The following EPB41L2 variants were observed in gnomAD, a reference collection of about 807,000 sequenced individuals.
The protein encoded by EPB41L2 is erythrocyte membrane protein band 4.1 like 2, also known as band 4.1-like protein 2.
Under a neutral mutation model 113.0 loss-of-function variants are expected in EPB41L2, and 43 were observed. The observed-to-expected ratio is 0.38, with a 90% CI of 0.30 to 0.49. The LOEUF is 0.49. Among genes scored for constraint, EPB41L2 ranks in the 20% least tolerant of loss-of-function variants. The pLI is 0.95. For missense variants in EPB41L2, 1,147 were observed against 1,223.4 expected (o/e 0.94, Z 0.93); for synonymous variants, 442 against 436.7 (o/e 1.01, Z -0.15).
chr6:130,955,128 T>G lies in EPB41L2; in HGVS notation c.682A>C (p.Thr228Pro), dbSNP rs1206719811. ...VQCKVTLLDGTEYSCDLEKHA... is the reference protein window; with the variant it reads ...VQCKVTLLDGPEYSCDLEKHA... The stretch of plus-strand genomic sequence containing the variant: ...ACCTCCAGGTCACAGCTGTATTCGG[T>G]GCCATCTAAGAGGGTCACTTTACAC... The change falls in exon 3 of 20, where the codon ACC (threonine) becomes CCC (proline). Residue 228 changes from threonine (T) to proline (P), a missense_variant. Physicochemically the swap from Thr to Pro is conservative, Grantham distance 38. Coordinates refer to ENST00000337057, the MANE Select transcript of EPB41L2 (RefSeq NM_001431.4). 6.2e-7 allele frequency: 1 copy of G among 1,614,192 alleles called. No individual in the cohort carries two copies. Among genetic ancestry groups the G allele is most frequent in the Non-Finnish European group, 8.5e-7 (1 of 1,180,030 alleles).
At chr6:131,046,548 C>G (rs927526930) in intron 1 of EPB41L2, among the ~76,000 whole-genome samples, 2 of 152,164 alleles carry the variant, frequency 1.3e-5, no homozygotes, top group South Asian at 4.1e-4. Flanking sequence ...TACTGACCAA[C>G]AATAGCCCAA....
chr6:130,956,057 G>A lies in EPB41L2; in HGVS notation c.429C>T (p.Val143=). The stretch of plus-strand genomic sequence containing the variant: ...TGCTCACTGAGGGTTTTTCTTCCTT[G>A]ACTTCAACTTTAATCTCTTGTTTCT... ...AQKKQEIKVE[V]KEEKPSVSKE... is the part of the protein sequence containing the mutation. The change falls in exon 2 of 20, where the codon GTC becomes GTT. Residue 143 remains valine, a synonymous_variant. Transcript: ENST00000337057. 1 of 1,613,848 alleles carries A rather than the reference G, an allele frequency of 6.2e-7. No homozygotes were observed. Among genetic ancestry groups the A allele is most frequent in the South Asian group, 1.1e-5 (1 of 91,028 alleles).
rs1774926596 is a variant in EPB41L2 at position 130,839,577 on chromosome 6, C to G, written c.*1027G>C. 1 of 152,188 alleles carries G rather than the reference C, an allele frequency of 6.6e-6. No individual in the cohort carries two copies. The highest frequency in any genetic ancestry group is 2.1e-4 in the South Asian group (1 of 4,828). 9.4% of individuals were successfully genotyped at this position (152,188 alleles called of 1,614,324 possible). A position where few individuals can be genotyped will look rare whatever the true frequency, so the allele number is the denominator to read the frequency against. Reference sequence around the variant, plus strand: ...CAGAACACCACCACAGCCCCCTCCCCCTCTCCCCAGCATCCTCAAACCTGT... The same window carrying G: ...CAGAACACCACCACAGCCCCCTCCCGCTCTCCCCAGCATCCTCAAACCTGT... On this transcript the variant is annotated 3_prime_UTR_variant, in exon 20 of 20. Transcript: ENST00000337057.
chr6:130,904,417 AC>A (rs1389618176), intron 6 of EPB41L2, 47 bp downstream of exon 6: 1 of 1,337,338 alleles, frequency 7.5e-7, no homozygotes, highest in African/African-American at 1.5e-5. Flanking sequence ...ACAAAAATAA[AC>A]GAGAGCTGTA....
At chr6:130,995,292 A>G (rs1384436195) in intron 1 of EPB41L2, among the ~76,000 whole-genome samples, 3 of 152,168 alleles carry the variant, frequency 2.0e-5, no homozygotes, top group East Asian at 1.9e-4. Context: ...CCGAGATCGC[A>G]CCACAGCACT....
chr6:130,885,333 T>C, intron 11 of EPB41L2, 65 bp from the exon 12 acceptor site: 1 of 1,547,538 alleles, frequency 6.5e-7, no homozygotes, highest in Admixed American at 1.7e-5. Context: ...ATGGAAAATT[T>C]CCCCCTTACA....
chr6:130,983,120 T>C (rs1779755565), intron 1 of EPB41L2, among the ~76,000 whole-genome samples: 1 of 152,250 alleles, frequency 6.6e-6, no homozygotes, highest in Non-Finnish European at 1.5e-5. Flanking sequence ...ATCAGGACTT[T>C]ATTCAACTGT....
intron 19 of EPB41L2, among the ~76,000 whole-genome samples, chr6:130,848,182 GTCTC>G (rs903761832): frequency 1.7e-5 from 2 of 121,008 alleles, no homozygotes; most frequent in African/African-American, 5.6e-5. Context: ...GTCTCTCTCT[GTCTC>G]TCTCTCTCTC....
chr6:130,911,791 C>G (rs1232112820), intron 4 of EPB41L2, among the ~76,000 whole-genome samples: 1 of 152,056 alleles, frequency 6.6e-6, no homozygotes, highest in Non-Finnish European at 1.5e-5. Flanking sequence ...CAAGTTATCA[C>G]TAACATAGGA....
intron 1 of EPB41L2, among the ~76,000 whole-genome samples, chr6:130,989,826 T>C (rs1412834420): frequency 6.6e-6 from 1 of 152,104 alleles, no homozygotes; most frequent in African/African-American, 2.4e-5. Flanking sequence ...ATTCAGTTAG[T>C]AGAATGGTAA....
At chr6:131,044,603 G>C (rs1795075679) in intron 1 of EPB41L2, among the ~76,000 whole-genome samples, 1 of 152,018 alleles carries the variant, frequency 6.6e-6, no homozygotes, top group South Asian at 2.1e-4. Flanking sequence ...TGGTCACAAA[G>C]CTCCATCTCC....
At chr6:130,860,736 G>A (rs934339494) in intron 18 of EPB41L2, among the ~76,000 whole-genome samples, 19 of 151,388 alleles carry the variant, frequency 1.3e-4, no homozygotes, top group Non-Finnish European at 2.2e-4. Flanking sequence ...GGGTTTCATC[G>A]TGTTAGCCAG....
chr6:130,877,522 GAGTA>G lies in EPB41L2; in HGVS notation c.2043+578_2043+581del, dbSNP rs1465723518. ...GAGAAGTAAACCATGAAAAGAAATA[GAGTA>G]AGTGAGGAGAAATGTTATGATTGAA... On this transcript the variant is annotated intron_variant, in intron 14 of 19. Coordinates refer to ENST00000337057, the MANE Select transcript of EPB41L2 (RefSeq NM_001431.4). Among the ~76,000 whole-genome samples, 11 of 152,232 alleles carry G rather than the reference GAGTA, an allele frequency of 7.2e-5. No homozygotes were observed. In the South Asian group the frequency reaches 1.5e-3, roughly 20 times the overall value.
At chr6:130,919,213 A>G (rs907406178) in intron 4 of EPB41L2, among the ~76,000 whole-genome samples, 3 of 152,194 alleles carry the variant, frequency 2.0e-5, no homozygotes, top group African/African-American at 7.2e-5. Context: ...TTATATGTTC[A>G]TCTTACCTTT....
chr6:130,942,305 T>A (rs1274867478), intron 3 of EPB41L2, among the ~76,000 whole-genome samples: 1 of 152,194 alleles, frequency 6.6e-6, no homozygotes, highest in Non-Finnish European at 1.5e-5. Flanking sequence ...ATATCATGCC[T>A]GGCAGCTGGG....
chr6:131,007,242 A>G (rs997758612), intron 1 of EPB41L2, among the ~76,000 whole-genome samples: 2 of 152,156 alleles, frequency 1.3e-5, no homozygotes, highest in African/African-American at 2.4e-5. Context: ...GTGAGTTCTC[A>G]TAAGATATTG....
At chr6:130,917,272 G>A (rs1435131910) in intron 4 of EPB41L2, among the ~76,000 whole-genome samples, 2 of 152,152 alleles carry the variant, frequency 1.3e-5, no homozygotes, top group East Asian at 1.9e-4. Flanking sequence ...GTCTTTTCTT[G>A]ACCAAACTTT....
At chr6:130,987,851 ACC>A (rs1364331831) in intron 1 of EPB41L2, among the ~76,000 whole-genome samples, 1 of 151,900 alleles carries the variant, frequency 6.6e-6, no homozygotes, top group Non-Finnish European at 1.5e-5. Context: ...AGTGGCTCAC[ACC>A]TATAATCCCA....
At chr6:131,033,269 A>AGAAG (rs766624186) in intron 1 of EPB41L2, among the ~76,000 whole-genome samples, 16 of 152,156 alleles carry the variant, frequency 1.1e-4, no homozygotes, top group South Asian at 6.2e-4. Context: ...GGAGAAGGAA[A>AGAAG]GAAGGAAGGA....
Sources: allele counts gnomAD v4.1 joint callset (sites outside exome capture counted in the v4.1 genomes callset), GRCh38; gene constraint gnomAD v4.1.1; transcripts MANE v1.5; gene names NCBI Gene and HGNC (gene_info 2026-07-23, HGNC 2026-07-21).